The following TMEM266 variants were observed in gnomAD, a reference collection of about 807,000 sequenced individuals.
TMEM266 encodes the protein transmembrane protein 266.
TMEM266 carries 33 observed loss-of-function variants against 50.5 expected under a neutral mutation model. That is an observed-to-expected ratio of 0.65 (90% CI 0.50 to 0.87). The LOEUF (loss-of-function observed/expected upper bound fraction) is 0.87. Ranked by LOEUF, TMEM266 falls within the 40% of genes least tolerant of loss-of-function variation. The probability of loss-of-function intolerance (pLI) is 0.00; values close to 1 mark genes in which losing one functional copy is unlikely to be tolerated. For synonymous variants in TMEM266, 310 were observed against 292.3 expected, an observed-to-expected ratio of 1.06 and a Z score of -0.62; for missense variants, 655 against 695.1, an observed-to-expected ratio of 0.94 and a Z score of 0.65.
At chr15:76,074,337 G>A (rs1270197251) in intron 1 of TMEM266, among the ~76,000 whole-genome samples, 3 of 151,928 alleles carry the variant, frequency 2.0e-5, no homozygotes, top group Admixed American at 2.0e-4. Flanking sequence ...GGGGTGTTAA[G>A]TACATGGATG....
intron 8 of TMEM266, among the ~76,000 whole-genome samples, chr15:76,184,660 C>T (rs1467874458): frequency 1.3e-5 from 2 of 152,182 alleles, no homozygotes; most frequent in Non-Finnish European, 2.9e-5. Context: ...GGACAAGGCC[C>T]GTGTCAATTG....
chr15:76,159,742 G>A (rs773245057), intron 4 of TMEM266, among the ~76,000 whole-genome samples: 6 of 152,068 alleles, frequency 3.9e-5, no homozygotes, highest in African/African-American at 7.2e-5. Context: ...CCCAAAAGCC[G>A]TGAATGTCTT....
intron 1 of TMEM266, among the ~76,000 whole-genome samples, chr15:76,063,815 T>A (rs928458319): frequency 2.6e-4 from 40 of 152,226 alleles, no homozygotes; most frequent in Non-Finnish European, 1.5e-5. Context: ...TTTTTGTTAG[T>A]CCTTACTGTT....
At chr15:76,183,033 T>C (rs1241027004) in intron 8 of TMEM266, among the ~76,000 whole-genome samples, 2 of 147,524 alleles carry the variant, frequency 1.4e-5, no homozygotes, top group Admixed American at 6.9e-5. Flanking sequence ...CAGGTTGCAA[T>C]GGGGCAGGGT....
intron 4 of TMEM266, among the ~76,000 whole-genome samples, chr15:76,157,736 T>C (rs2037948124): frequency 6.6e-6 from 1 of 152,188 alleles, no homozygotes; most frequent in Non-Finnish European, 1.5e-5. Flanking sequence ...ATGCCTGTAA[T>C]CTCATTTGGG....
At chr15:76,142,393 AAAT>A (rs372025392) in intron 3 of TMEM266, among the ~76,000 whole-genome samples, 7 of 152,118 alleles carry the variant, frequency 4.6e-5, no homozygotes, top group Non-Finnish European at 8.8e-5. Flanking sequence ...CTCCGTCTCA[AAAT>A]AATAATAATA....
At chr15:76,074,245 T>C (rs894644542) in intron 1 of TMEM266, among the ~76,000 whole-genome samples, 8 of 152,132 alleles carry the variant, frequency 5.3e-5, no homozygotes, top group African/African-American at 1.9e-4. Flanking sequence ...ATATAAATGA[T>C]ATTTTATTTT....
chr15:76,079,560 C>A (rs1482002520), intron 1 of TMEM266, among the ~76,000 whole-genome samples: 1 of 149,470 alleles, frequency 6.7e-6, no homozygotes, highest in Non-Finnish European at 1.5e-5. Context: ...GAGGCTGAGG[C>A]GGGCAGATCA....
chr15:76,080,625 G>A (rs2036677349), intron 1 of TMEM266, among the ~76,000 whole-genome samples: 1 of 151,962 alleles, frequency 6.6e-6, no homozygotes, highest in African/African-American at 2.4e-5. Flanking sequence ...GATTATTTCA[G>A]GAGTACTGCA....
At chr15:76,127,957 G>C (rs1270744181) in intron 1 of TMEM266, among the ~76,000 whole-genome samples, 1 of 152,158 alleles carries the variant, frequency 6.6e-6, no homozygotes, top group Non-Finnish European at 1.5e-5. Context: ...AGCAAGCTGG[G>C]TTTTAATAAG....
At chr15:76,120,993 A>G (rs937795875) in intron 1 of TMEM266, among the ~76,000 whole-genome samples, 1 of 152,182 alleles carries the variant, frequency 6.6e-6, no homozygotes, top group Non-Finnish European at 1.5e-5. Flanking sequence ...TAGAAAATAT[A>G]TAAATCTTCA....
intron 1 of TMEM266, among the ~76,000 whole-genome samples, chr15:76,110,350 G>A (rs924563171): frequency 6.6e-6 from 1 of 152,154 alleles, no homozygotes; most frequent in Non-Finnish European, 1.5e-5. Flanking sequence ...CATGGCCCAT[G>A]GGCCACATGC....
intron 1 of TMEM266, among the ~76,000 whole-genome samples, chr15:76,075,949 T>C (rs570305073): frequency 7.1e-6 from 1 of 141,398 alleles, no homozygotes; most frequent in African/African-American, 2.6e-5. Flanking sequence ...AGCCTCCATC[T>C]TCCAGGACCA....
intron 3 of TMEM266, among the ~76,000 whole-genome samples, chr15:76,149,316 G>A (rs1407584733): frequency 6.6e-6 from 1 of 152,124 alleles, no homozygotes; most frequent in East Asian, 1.9e-4. Flanking sequence ...TCTAGAACTA[G>A]GAACACATTG....
chr15:76,079,571 C>T (rs1032547251), intron 1 of TMEM266, among the ~76,000 whole-genome samples: 2 of 147,340 alleles, frequency 1.4e-5, no homozygotes, highest in African/African-American at 2.5e-5. Flanking sequence ...GGGCAGATCA[C>T]GAGGTCAGGA....
At chr15:76,114,731 T>A (rs991939974) in intron 1 of TMEM266, among the ~76,000 whole-genome samples, 2 of 152,252 alleles carry the variant, frequency 1.3e-5, no homozygotes. Flanking sequence ...TTTACTGTTA[T>A]GACATTTAGC....
intron 9 of TMEM266, among the ~76,000 whole-genome samples, chr15:76,197,996 C>T (rs1481820085): frequency 2.0e-5 from 3 of 152,314 alleles, no homozygotes; most frequent in African/African-American, 7.2e-5. Flanking sequence ...AGTGCTCACA[C>T]CCTGGGAAGA....
chr15:76,157,062 AT>A (rs909031589), intron 4 of TMEM266, among the ~76,000 whole-genome samples: 5 of 151,944 alleles, frequency 3.3e-5, no homozygotes, highest in African/African-American at 7.2e-5. Context: ...CCCTGTATGC[AT>A]TTTTTTTAAT....
chr15:76,099,721 G>A (rs993812191), intron 1 of TMEM266, among the ~76,000 whole-genome samples: 2 of 152,146 alleles, frequency 1.3e-5, no homozygotes, highest in Non-Finnish European at 2.9e-5. Flanking sequence ...GCAGGGAGAC[G>A]TATTTGATTG....
Sources: allele counts gnomAD v4.1 joint callset (sites outside exome capture counted in the v4.1 genomes callset), GRCh38; gene constraint gnomAD v4.1.1; transcripts MANE v1.5; gene names NCBI Gene and HGNC (gene_info 2026-07-23, HGNC 2026-07-21).